DLG4: variants seen among roughly 807,000 people sequenced by gnomAD.
DLG4 encodes the protein discs large MAGUK scaffold protein 4, also known as disks large homolog 4.
A neutral mutation model predicts 93.8 loss-of-function variants in DLG4; 7 were observed. The observed-to-expected ratio is 0.07, with a 90% confidence interval of 0.04 to 0.14. The LOEUF (loss-of-function observed/expected upper bound fraction) is 0.14, where lower values mean the gene tolerates loss of function less well. Among genes scored for constraint, DLG4 ranks in the 10% least tolerant of loss-of-function variants. The pLI is 1.00. For synonymous variants in DLG4, 341 were observed against 387.6 expected, an observed-to-expected ratio of 0.88 and a Z score of 1.41; for missense variants, 545 against 992.9, an observed-to-expected ratio of 0.55 and a Z score of 6.06.
At chr17:7,201,910 A>G (rs1372790088) in intron 8 of DLG4, among the ~76,000 whole-genome samples, 1 of 152,230 alleles carries the variant, frequency 6.6e-6, no homozygotes, top group African/African-American at 2.4e-5. Context: ...AAATTAAAAA[A>G]TAAGTTAATG....
rs188767104 is a variant in DLG4, at chr17:7,194,860, A to G, written c.1302-365T>C. On this transcript the variant is annotated intron_variant, in intron 11 of 19. Transcript: ENST00000399506. This position sits in a 1 kb window ranked among gnomAD's most constrained non-coding sequence, Gnocchi z 4.4. The stretch of plus-strand genomic sequence containing the variant: ...TGGTGAAACCCCGTCTCTACTAAAA[A>G]TACAAAATATTAGCCGGGCACGGTG... Among the ~76,000 whole-genome samples, 1,007 of 152,078 alleles carry G rather than the reference A, an allele frequency of 6.6e-3. 7 individuals are homozygous for G. The highest frequency in any genetic ancestry group is 0.02 in the African/African-American group (827 of 41,480).
At chr17:7,217,904 C>G (rs1314092798), upstream of DLG4, 1 of 1,324,180 alleles carries the variant, frequency 7.6e-7, no homozygotes, top group Non-Finnish European at 1.0e-6. Flanking sequence ...GGAGGCCTCT[C>G]GGCAGGCGGT....
rs887271245 is a variant in DLG4 at position 7,199,630 on chromosome 17, C to T, written c.788-2578G>A. Among the ~76,000 whole-genome samples the T allele has an allele frequency of 6.6e-5, 10 of 152,214 alleles. 1 individual carries two copies. The South Asian group carries it at 2.1e-3, about 32-fold the overall frequency. On this transcript the variant is annotated intron_variant, in intron 8 of 19. Coordinates refer to ENST00000399506, the MANE Select transcript of DLG4 (RefSeq NM_001321075.3). ...AGACCCTATTAGTCCTGGATACCTT[C>T]CTTGCTCTCTAGTATGAAAGAAGTT... is the stretch of plus-strand genomic sequence containing the variant.
chr17:7,208,314 C>G lies in DLG4; in HGVS notation c.31-75G>C. On this transcript the variant is annotated intron_variant, in intron 1 of 19. Transcript: ENST00000399506. This position sits in a 1 kb window ranked among gnomAD's most constrained non-coding sequence, Gnocchi z 5.4. Reference sequence around the variant, plus strand: ...TCCAGGCTGGCCGCCCTGGCCGCCGCCTCTTCCCCCAGCCAGTGCAGTGCG... The same window carrying G: ...TCCAGGCTGGCCGCCCTGGCCGCCGGCTCTTCCCCCAGCCAGTGCAGTGCG... 2 of 1,250,716 alleles carry G rather than the reference C, an allele frequency of 1.6e-6. No homozygotes were observed. The highest frequency in any genetic ancestry group is 2.1e-6 in the Non-Finnish European group (2 of 973,416). 77.5% of individuals were successfully genotyped at this position (1,250,716 alleles called of 1,614,324 possible). A position where few individuals can be genotyped will look rare whatever the true frequency, so the allele number is the denominator to read the frequency against.
upstream of DLG4, chr17:7,218,381 C>T (rs1473758172): frequency 6.9e-7 from 1 of 1,444,364 alleles, no homozygotes. Context: ...AGGGAGGAGC[C>T]CTTTCAGCCA....
chr17:7,219,981 G>C, upstream of DLG4: 2 of 1,601,834 alleles, frequency 1.2e-6, no homozygotes, highest in Middle Eastern at 3.3e-4. Flanking sequence ...GGAGAGATTC[G>C]GAGATGCAGG....
rs896847846 is a variant in DLG4, at chr17:7,190,572, G to A, written c.*136C>T. 1.3e-5 allele frequency: 9 copies of A among 690,880 alleles called. No homozygotes were observed. Among genetic ancestry groups the A allele is most frequent in the Non-Finnish European group, 2.1e-5 (8 of 387,354 alleles). 42.8% of individuals were successfully genotyped at this position (690,880 alleles called of 1,614,324 possible). A position where few individuals can be genotyped will look rare whatever the true frequency, so the allele number is the denominator to read the frequency against. On this transcript the variant is annotated 3_prime_UTR_variant, in exon 20 of 20. Transcript: ENST00000399506. ...AGGAGTGTCCCCCCTCCAACAGGCTGGATCCAGTTAGAAAGGAAATAAATA... is the reference window on the plus strand; with the variant it reads ...AGGAGTGTCCCCCCTCCAACAGGCTAGATCCAGTTAGAAAGGAAATAAATA...
At chr17:7,201,928 T>C (rs1597467145) in intron 8 of DLG4, among the ~76,000 whole-genome samples, 1 of 152,298 alleles carries the variant, frequency 6.6e-6, no homozygotes, top group East Asian at 1.9e-4. Flanking sequence ...ATGGACACAC[T>C]GCTAAAATTG....
rs1239583022 is a variant in DLG4 at position 7,188,530 on chromosome 17, G to C, written c.*2178C>G. Reference sequence around the variant, plus strand: ...TCATCTGTGCCAAACACATGAAGAAGGCAGAAGGCTGAGAGTCACCATTCT... The same window carrying C: ...TCATCTGTGCCAAACACATGAAGAACGCAGAAGGCTGAGAGTCACCATTCT... On this transcript the variant is annotated 3_prime_UTR_variant, in exon 20 of 20. Transcript: ENST00000399506. 6.6e-6 allele frequency among the ~76,000 whole-genome samples: 1 copy of C among 152,152 alleles called. No individual in the cohort carries two copies. The highest frequency in any genetic ancestry group is 1.5e-5 in the Non-Finnish European group (1 of 68,020).
chr17:7,197,139 A>G (rs572852977), intron 8 of DLG4, 87 bp from the exon 9 acceptor site: 27 of 1,322,270 alleles, frequency 2.0e-5, no homozygotes, highest in Non-Finnish European at 1.0e-6. Context: ...AGAAGAGCCA[A>G]AGTTAGGTGG....
rs1034877352 is a variant in DLG4, at chr17:7,217,587, G to A, written c.-440C>T. ...GGGGGGGTTGGAAACGGCAGCGGCCGAGGGAGCCGTGGAGCCGAAGAGGGA... is the reference window on the plus strand; with the variant it reads ...GGGGGGGTTGGAAACGGCAGCGGCCAAGGGAGCCGTGGAGCCGAAGAGGGA... On this transcript the variant is annotated 5_prime_UTR_variant, in exon 1 of 20. Coordinates refer to ENST00000399506, the MANE Select transcript of DLG4 (RefSeq NM_001321075.3). 18 of 1,388,288 alleles carry A rather than the reference G, an allele frequency of 1.3e-5. No homozygotes were observed. In the Admixed American group the frequency reaches 2.3e-4, roughly 18 times the overall value. 86.0% of individuals were successfully genotyped at this position (1,388,288 alleles called of 1,614,324 possible). A position where few individuals can be genotyped will look rare whatever the true frequency, so the allele number is the denominator to read the frequency against.
chr17:7,204,279 G>A (rs1018265169), intron 2 of DLG4, 27 bp from the exon 3 acceptor site: 1 of 1,561,624 alleles, frequency 6.4e-7, no homozygotes, highest in East Asian at 2.2e-5. Flanking sequence ...GAGACAAAAA[G>A]CAGCCTGAGC....
intron 8 of DLG4, 109 bp downstream of exon 8, chr17:7,202,794 T>G: frequency 7.2e-7 from 1 of 1,388,956 alleles, no homozygotes; most frequent in South Asian, 1.3e-5. Context: ...TTGTGGCTAT[T>G]TCATAGGGAA....
rs1288585405 is a variant in DLG4 at position 7,191,594 on chromosome 17, C to G, written c.1977-236G>C. 2 of 596,730 alleles carry G rather than the reference C, an allele frequency of 3.4e-6. No homozygotes were observed. Among genetic ancestry groups the G allele is most frequent in the Non-Finnish European group, 6.0e-6 (2 of 335,614 alleles). 37.0% of individuals were successfully genotyped at this position (596,730 alleles called of 1,614,324 possible). On this transcript the variant is annotated intron_variant, in intron 18 of 19. Coordinates refer to ENST00000399506, the MANE Select transcript of DLG4 (RefSeq NM_001321075.3). The surrounding 1 kb of genome is among the most constrained non-coding windows in gnomAD (Gnocchi z 6.6). The stretch of plus-strand genomic sequence containing the variant: ...GGACATCTACGGAGCTTCATCCTTC[C>G]AGCCTTCAGCCCCAGAGATGGGATT...
chr17:7,191,227 G>A lies in DLG4; in HGVS notation c.2068+40C>T, dbSNP rs2069478880. On this transcript the variant is annotated intron_variant, in intron 19 of 19. Transcript: ENST00000399506. This position sits in a 1 kb window ranked among gnomAD's most constrained non-coding sequence, Gnocchi z 6.6. ...GGGAGCTCTTTCTAATCCGAGCAAG[G>A]GCACCCTACATGCTGGCAACAGCCT... The A allele has an allele frequency of 6.3e-7, 1 of 1,595,810 alleles. No individual in the cohort carries two copies. The highest frequency in any genetic ancestry group is 8.6e-7 in the Non-Finnish European group (1 of 1,163,916).
chr17:7,218,945 C>G, upstream of DLG4: 1 of 1,364,812 alleles, frequency 7.3e-7, no homozygotes, highest in Non-Finnish European at 1.0e-6. Context: ...AGTAGGCCGT[C>G]TCTGAGCCGA....
chr17:7,190,610 A>G lies in DLG4; in HGVS notation c.*98T>C. The G allele has an allele frequency of 2.3e-6, 2 of 887,134 alleles. No homozygotes were observed. The highest frequency in any genetic ancestry group is 3.7e-6 in the Non-Finnish European group (2 of 534,226). The allele number at this position is 887,134 out of a possible 1,614,324, so 55.0% of individuals were successfully genotyped here. A position where few individuals can be genotyped will look rare whatever the true frequency, so the allele number is the denominator to read the frequency against. ...AAGGAAATAAATAAGAAGGGGTGGGAGGGAGGCCGGGGGGAGCCAAGGGCT... is the reference window on the plus strand; with the variant it reads ...AAGGAAATAAATAAGAAGGGGTGGGGGGGAGGCCGGGGGGAGCCAAGGGCT... On this transcript the variant is annotated 3_prime_UTR_variant, in exon 20 of 20. Transcript: ENST00000399506.
chr17:7,188,665 A>G lies in DLG4; in HGVS notation c.*2043T>C, dbSNP rs570051612. 6.6e-6 allele frequency among the ~76,000 whole-genome samples: 1 copy of G among 152,290 alleles called. No individual in the cohort carries two copies. Among genetic ancestry groups the G allele is most frequent in the South Asian group, 2.1e-4 (1 of 4,826 alleles). On this transcript the variant is annotated 3_prime_UTR_variant, in exon 20 of 20. Transcript: ENST00000399506. ...TATAATAAAGAAGTAGGTAATTGAC[A>G]ATTTCCTTTTTTGCCATGGCTATCA... is the stretch of plus-strand genomic sequence containing the variant.
At position 7,187,485 on chromosome 17, in the gene DLG4, G is replaced by T. The variant is rs1420262936; in HGVS notation, c.*3223C>A. 6.6e-6 allele frequency among the ~76,000 whole-genome samples: 1 copy of T among 151,838 alleles called. No homozygotes were observed. Among genetic ancestry groups the T allele is most frequent in the Non-Finnish European group, 1.5e-5 (1 of 67,968 alleles). On this transcript the variant is annotated 3_prime_UTR_variant, in exon 20 of 20. Coordinates refer to ENST00000399506, the MANE Select transcript of DLG4 (RefSeq NM_001321075.3). ...AGCTTGAATCCGGAAGGCAGAGGTT[G>T]CAGTGAGCAGAGATCGCACCACTGC...
Sources: allele counts gnomAD v4.1 joint callset (sites outside exome capture counted in the v4.1 genomes callset), GRCh38; gene constraint gnomAD v4.1.1; non-coding constraint Gnocchi (gnomAD v3.1); transcripts MANE v1.5; gene names NCBI Gene and HGNC (gene_info 2026-07-23, HGNC 2026-07-21).